Variants in BCAP29 observed in about 807,000 individuals in gnomAD.
BCAP29 encodes B-cell receptor-associated protein 29.
A neutral mutation model predicts 31.8 loss-of-function variants in BCAP29; 34 were observed. The observed-to-expected ratio is 1.07, with a 90% CI of 0.81 to 1.42. The LOEUF is 1.42. Among genes scored for constraint, BCAP29 ranks in the 40% most tolerant of loss-of-function variants. The probability of loss-of-function intolerance (pLI) is 0.00; values close to 1 mark genes in which losing one functional copy is unlikely to be tolerated. For synonymous variants in BCAP29, 104 were observed against 91.3 expected (o/e 1.14, Z -0.79); for missense variants, 314 against 269.2 (o/e 1.17, Z -1.16).
At chr7:107,582,239 C>T (rs1297060620) in intron 2 of BCAP29, among the ~76,000 whole-genome samples, 1 of 152,108 alleles carries the variant, frequency 6.6e-6, no homozygotes, top group African/African-American at 2.4e-5. Context: ...ACTTATGGAT[C>T]AATATTTTTC....
intron 3 of BCAP29, among the ~76,000 whole-genome samples, chr7:107,593,489 G>T (rs1005332155): frequency 1.2e-4 from 18 of 152,276 alleles, no homozygotes; most frequent in African/African-American, 4.1e-4. Context: ...GGAAATTTCA[G>T]TATAACCAAA....
intron 6 of BCAP29, among the ~76,000 whole-genome samples, chr7:107,612,227 A>ATT (rs761286403): frequency 1.5e-4 from 23 of 151,620 alleles, no homozygotes; most frequent in Non-Finnish European, 3.1e-4. Context: ...AAGGCTACAT[A>ATT]TGATATAGAG....
At chr7:107,604,349 T>G (rs1170687085) in intron 6 of BCAP29, among the ~76,000 whole-genome samples, 2 of 152,150 alleles carry the variant, frequency 1.3e-5, no homozygotes, top group Non-Finnish European at 2.9e-5. Context: ...CCAGAGAAAT[T>G]GGAGATCAAG....
At chr7:107,589,076 A>G (rs954766872) in intron 3 of BCAP29, among the ~76,000 whole-genome samples, 8 of 152,286 alleles carry the variant, frequency 5.3e-5, no homozygotes, top group African/African-American at 1.4e-4. Flanking sequence ...GAAATTTACT[A>G]TAACTAAGGC....
intron 6 of BCAP29, among the ~76,000 whole-genome samples, chr7:107,604,292 C>A (rs1811690904): frequency 6.6e-6 from 1 of 152,022 alleles, no homozygotes; most frequent in Non-Finnish European, 1.5e-5. Flanking sequence ...CTTTTTATTG[C>A]CAGTTAACAT....
At chr7:107,616,595 T>G (rs1056957924) in intron 7 of BCAP29, among the ~76,000 whole-genome samples, 2 of 152,160 alleles carry the variant, frequency 1.3e-5, no homozygotes, top group Non-Finnish European at 2.9e-5. Flanking sequence ...AGAAAGCACT[T>G]TATATATTTA....
At chr7:107,607,341 C>T (rs893736618) in intron 6 of BCAP29, among the ~76,000 whole-genome samples, 9 of 152,022 alleles carry the variant, frequency 5.9e-5, no homozygotes, top group Non-Finnish European at 1.0e-4. Flanking sequence ...CTGATATGTG[C>T]CTCCAGGTTT....
At chr7:107,596,158 T>C (rs947632498) in intron 5 of BCAP29, among the ~76,000 whole-genome samples, 156 bp downstream of exon 5, 3 of 152,216 alleles carry the variant, frequency 2.0e-5, no homozygotes, top group Non-Finnish European at 4.4e-5. Flanking sequence ...AGAATAGTTT[T>C]ACTGTTCTTT....
chr7:107,587,188 G>T (rs1398190585), intron 3 of BCAP29, among the ~76,000 whole-genome samples: 1 of 152,180 alleles, frequency 6.6e-6, no homozygotes, highest in Admixed American at 6.5e-5. Context: ...TAGCAGAAAT[G>T]CATCCCAGGA....
At position 107,584,003 on chromosome 7, in the gene BCAP29, T is replaced by G; in HGVS notation, c.193+21T>G. 8 of 1,312,658 alleles carry G rather than the reference T, an allele frequency of 6.1e-6. No homozygotes were observed. The South Asian group carries it at 1.1e-4, about 19-fold the overall frequency. 81.3% of individuals were successfully genotyped at this position (1,312,658 alleles called of 1,614,324 possible). ...TCTAGGTAAGTACTAGATCCCTTCTTTGAATAAATATAACTTTTTTTAAAT... is the reference window on the plus strand; with the variant it reads ...TCTAGGTAAGTACTAGATCCCTTCTGTGAATAAATATAACTTTTTTTAAAT... On this transcript the variant is annotated intron_variant, in intron 3 of 7. Coordinates refer to ENST00000005259, the MANE Select transcript of BCAP29 (RefSeq NM_018844.4).
In BCAP29 at chr7:107,612,391, TTATATATATATATATATA is replaced by T. The variant is rs36213596; in HGVS notation, c.590-909_590-892del. On this transcript the variant is annotated intron_variant, in intron 6 of 7. Transcript: ENST00000005259. ...AGCACCTTCTTCACAATGTATTGTTTTATATATATATATATATATATATATATATATATATATATATAT... is the reference window on the plus strand; with the variant it reads ...AGCACCTTCTTCACAATGTATTGTTTTATATATATATATATATATATATAT... Among the ~76,000 whole-genome samples, 93 of 30,878 alleles carry T rather than the reference TTATATATATATATATATA, an allele frequency of 3.0e-3. 1 individual carries two copies. The highest frequency in any genetic ancestry group is 7.8e-3 in the East Asian group (7 of 892). 20.3% of individuals were successfully genotyped at this position (30,878 alleles called of 152,430 possible).
intron 5 of BCAP29, among the ~76,000 whole-genome samples, chr7:107,598,804 G>A (rs1469883877): frequency 6.6e-6 from 1 of 151,136 alleles, no homozygotes; most frequent in East Asian, 1.9e-4. Context: ...AGGTGCAGTG[G>A]CTGATGCCTG....
Position 107,597,369 on chromosome 7 carries a change from C to T in BCAP29, c.480+1367C>T, listed in dbSNP as rs539064492. 6.6e-4 allele frequency among the ~76,000 whole-genome samples: 101 copies of T among 152,232 alleles called. 1 individual carries two copies. The highest frequency in any genetic ancestry group is 3.4e-3 in the Middle Eastern group (1 of 294). ...GGGATTATAGGCAAGAGTTACCGCG[C>T]CCAGCCATACCTCTTCATTCTCTAT... On this transcript the variant is annotated intron_variant, in intron 5 of 7. Coordinates refer to ENST00000005259, the MANE Select transcript of BCAP29 (RefSeq NM_018844.4).
chr7:107,582,597 G>A (rs550783894), intron 2 of BCAP29, among the ~76,000 whole-genome samples: 3 of 152,248 alleles, frequency 2.0e-5, no homozygotes, highest in East Asian at 1.9e-4. Context: ...TTCCCCATCT[G>A]TAAAATGGAG....
At chr7:107,589,481 C>T (rs923067292) in intron 3 of BCAP29, among the ~76,000 whole-genome samples, 1 of 152,164 alleles carries the variant, frequency 6.6e-6, no homozygotes, top group Admixed American at 6.5e-5. Flanking sequence ...CACAAAAGGG[C>T]TTCCACTCCT....
At chr7:107,610,590 G>A (rs1270970496) in intron 6 of BCAP29, among the ~76,000 whole-genome samples, 1 of 152,172 alleles carries the variant, frequency 6.6e-6, no homozygotes, top group Non-Finnish European at 1.5e-5. Flanking sequence ...CCTAATTGGA[G>A]TGATAGTATT....
At chr7:107,590,722 G>A (rs1808558211) in intron 3 of BCAP29, among the ~76,000 whole-genome samples, 1 of 151,946 alleles carries the variant, frequency 6.6e-6, no homozygotes. Context: ...AAAAGGCTGA[G>A]GTGGGAGAGT....
chr7:107,592,497 A>G (rs766170768), intron 3 of BCAP29, among the ~76,000 whole-genome samples: 1 of 152,266 alleles, frequency 6.6e-6, no homozygotes, highest in Non-Finnish European at 1.5e-5. Flanking sequence ...AATGTAAAGT[A>G]GTACAGCTGC....
intron 3 of BCAP29, among the ~76,000 whole-genome samples, chr7:107,584,903 A>G (rs1807357972): frequency 1.3e-5 from 2 of 152,212 alleles, no homozygotes; most frequent in South Asian, 2.1e-4. Flanking sequence ...GGAAATGACC[A>G]TGCCCATTTG....
Sources: gnomAD v4.1 joint callset for allele counts (sites outside exome capture counted in the v4.1 genomes callset) on GRCh38, gnomAD v4.1.1 for gene constraint, MANE v1.5 for transcripts, NCBI Gene and HGNC (gene_info 2026-07-23, HGNC 2026-07-21) for gene names.